PTPRG: variants seen among roughly 807,000 people sequenced by gnomAD.
PTPRG encodes receptor-type tyrosine-protein phosphatase gamma.
In PTPRG, 102 loss-of-function variants were observed where a neutral mutation model predicts 165.3. The observed-to-expected ratio is 0.62, with a 90% CI of 0.53 to 0.73. The LOEUF is 0.73. PTPRG is among the 30% of genes least tolerant of loss of function. The pLI, the probability that PTPRG is intolerant of heterozygous loss-of-function variation, is 0.00. For synonymous variants in PTPRG, 675 were observed against 669.5 expected (o/e 1.01, Z -0.13); for missense variants, 1,866 against 1,861.4 (o/e 1.00, Z -0.05).
chr3:61,945,437 T>C (rs1259346425), intron 2 of PTPRG, among the ~76,000 whole-genome samples: 2 of 151,766 alleles, frequency 1.3e-5, no homozygotes, highest in African/African-American at 4.8e-5. Context: ...TAGGCGCCTA[T>C]AATCCCAGCT....
At chr3:61,905,198 T>C (rs1189915368) in intron 2 of PTPRG, among the ~76,000 whole-genome samples, 2 of 152,208 alleles carry the variant, frequency 1.3e-5, no homozygotes, top group African/African-American at 4.8e-5. Flanking sequence ...CAATATGTTA[T>C]CACGTAAGGG....
chr3:62,095,150 C>A (rs1308566860), intron 5 of PTPRG, among the ~76,000 whole-genome samples: 3 of 152,150 alleles, frequency 2.0e-5, no homozygotes, highest in African/African-American at 7.2e-5. Context: ...TTTAAAAATT[C>A]TTGGGTCATA....
intron 8 of PTPRG, among the ~76,000 whole-genome samples, chr3:62,176,094 T>TG (rs1705412621): frequency 6.6e-6 from 1 of 152,184 alleles, no homozygotes. Context: ...GGCTGTTATG[T>TG]GGCGAATGCT....
At chr3:61,590,728 T>C (rs1700549279) in intron 1 of PTPRG, among the ~76,000 whole-genome samples, 1 of 152,228 alleles carries the variant, frequency 6.6e-6, no homozygotes, top group Non-Finnish European at 1.5e-5. Context: ...GCTTGTTTTT[T>C]TCATTTGGTA....
intron 1 of PTPRG, among the ~76,000 whole-genome samples, chr3:61,743,388 A>T (rs2033079077): frequency 6.6e-6 from 1 of 152,056 alleles, no homozygotes; most frequent in African/African-American, 2.4e-5. Flanking sequence ...AGAGACTCAG[A>T]TTTTCCTGTA....
intron 5 of PTPRG, among the ~76,000 whole-genome samples, chr3:62,091,860 C>A (rs1326341977): frequency 3.3e-5 from 5 of 151,926 alleles, no homozygotes. Flanking sequence ...CTCTTGAGTT[C>A]CCCATGGTCT....
intron 2 of PTPRG, among the ~76,000 whole-genome samples, chr3:61,892,080 T>C (rs1377015318): frequency 2.6e-5 from 4 of 152,222 alleles, no homozygotes; most frequent in Admixed American, 6.5e-5. Flanking sequence ...TCAGTCTTCA[T>C]AATGGCTCTG....
chr3:61,772,062 A>AAG lies in PTPRG; in HGVS notation c.190+23081_190+23082insGA, dbSNP rs1354678986. Among the ~76,000 whole-genome samples, 3 of 149,416 alleles carry AAG rather than the reference A, an allele frequency of 2.0e-5. No homozygotes were observed. In the East Asian group the frequency reaches 5.8e-4, roughly 29 times the overall value. On this transcript the variant is annotated intron_variant, in intron 2 of 29. Coordinates refer to ENST00000474889, the MANE Select transcript of PTPRG (RefSeq NM_002841.4). The stretch of plus-strand genomic sequence containing the variant: ...GTGACAGAGTAAGACTCTGTCTAAA[A>AAG]AAAAAAAAAAAAAAAAAAAAAGAAT...
chr3:62,141,775 G>T (rs1703939794), intron 6 of PTPRG, among the ~76,000 whole-genome samples: 1 of 151,616 alleles, frequency 6.6e-6, no homozygotes, highest in South Asian at 2.1e-4. Flanking sequence ...TGGGTCTGGT[G>T]GTGCGTGCCT....
intron 1 of PTPRG, among the ~76,000 whole-genome samples, chr3:61,663,834 A>C (rs962814013): frequency 2.6e-5 from 4 of 152,076 alleles, no homozygotes; most frequent in Non-Finnish European, 5.9e-5. Flanking sequence ...TCCTATGAGA[A>C]TCTAATGCTA....
chr3:61,645,824 C>G (rs1007841648), intron 1 of PTPRG, among the ~76,000 whole-genome samples: 1 of 152,204 alleles, frequency 6.6e-6, no homozygotes, highest in Non-Finnish European at 1.5e-5. Context: ...CCTGATTTGA[C>G]TGTAGTTTGC....
intron 2 of PTPRG, among the ~76,000 whole-genome samples, chr3:61,858,400 T>A (rs2037172668): frequency 6.6e-6 from 1 of 152,228 alleles, no homozygotes; most frequent in Non-Finnish European, 1.5e-5. Flanking sequence ...TTAACAGTCC[T>A]TCTAAAGCTA....
In PTPRG at chr3:62,233,605, G is replaced by A. The variant is rs1444712439; in HGVS notation, c.2375+2294G>A. On this transcript the variant is annotated intron_variant, in intron 14 of 29. Coordinates refer to ENST00000474889, the MANE Select transcript of PTPRG (RefSeq NM_002841.4). This position sits in a 1 kb window ranked among gnomAD's most constrained non-coding sequence, Gnocchi z 4.7. ...CCAGGAATCAAAAGAAGAGCCCCCA[G>A]TGATAGCTAAATTGCAACCCTCCAA... Among the ~76,000 whole-genome samples the A allele has an allele frequency of 6.6e-6, 1 of 152,124 alleles. No individual in the cohort carries two copies. The highest frequency in any genetic ancestry group is 2.4e-5 in the African/African-American group (1 of 41,420).
Position 61,604,090 on chromosome 3 carries a change from C to T in PTPRG, c.85+41718C>T, listed in dbSNP as rs375147555. Among the ~76,000 whole-genome samples, 92 of 152,230 alleles carry T rather than the reference C, an allele frequency of 6.0e-4. 4 individuals are homozygous for T. In the South Asian group the frequency reaches 0.016, roughly 27 times the overall value. ...CTGTAATCCCAGCACTTTGGGAGGC[C>T]GAGGTGGCAGATCGCTTGAGGCTAG... is the stretch of plus-strand genomic sequence containing the variant. On this transcript the variant is annotated intron_variant, in intron 1 of 29. Transcript: ENST00000474889.
At chr3:61,929,678 T>G (rs986624436) in intron 2 of PTPRG, among the ~76,000 whole-genome samples, 1 of 152,232 alleles carries the variant, frequency 6.6e-6, no homozygotes, top group Non-Finnish European at 1.5e-5. Flanking sequence ...AGGTTGTTTA[T>G]GAGCCGTCGT....
At chr3:62,119,442 C>T (rs577200817) in intron 5 of PTPRG, among the ~76,000 whole-genome samples, 247 of 152,204 alleles carry the variant, frequency 1.6e-3, no homozygotes, top group African/African-American at 5.5e-3. Context: ...GGGAACAATG[C>T]GGGCAAAGGC....
chr3:61,953,856 T>C (rs931662812), intron 2 of PTPRG, among the ~76,000 whole-genome samples: 16 of 58,662 alleles, frequency 2.7e-4, no homozygotes, highest in Non-Finnish European at 4.6e-4. Context: ...TACAAGGGAG[T>C]GTATTTTCTG....
chr3:61,928,088 C>A (rs2039269411), intron 2 of PTPRG, among the ~76,000 whole-genome samples: 1 of 152,172 alleles, frequency 6.6e-6, no homozygotes, highest in Non-Finnish European at 1.5e-5. Context: ...TGCACTATTT[C>A]TCTTCTGCTA....
intron 1 of PTPRG, among the ~76,000 whole-genome samples, chr3:61,591,824 G>A (rs1469230489): frequency 1.3e-5 from 2 of 152,130 alleles, no homozygotes; most frequent in East Asian, 1.9e-4. Context: ...GATACGGTGC[G>A]ATTCCTGTTT....
Sources: allele counts gnomAD v4.1 joint callset (sites outside exome capture counted in the v4.1 genomes callset), GRCh38; gene constraint gnomAD v4.1.1; non-coding constraint Gnocchi (gnomAD v3.1); transcripts MANE v1.5; gene names NCBI Gene and HGNC (gene_info 2026-07-23, HGNC 2026-07-21).